TMEM108: variants seen among roughly 807,000 people sequenced by gnomAD.
TMEM108 encodes the protein cancer/testis antigen 124.
TMEM108 carries 12 observed loss-of-function variants against 35.1 expected under a neutral mutation model. The ratio of observed to expected loss-of-function variants is 0.34; its 90% CI spans 0.22 to 0.55. The LOEUF is 0.55. TMEM108 is among the 20% of genes least tolerant of loss of function. TMEM108 has a pLI of 0.89. For synonymous variants in TMEM108, 287 were observed against 308.6 expected, an observed-to-expected ratio of 0.93 and a Z score of 0.73; for missense variants, 680 against 753.3, an observed-to-expected ratio of 0.90 and a Z score of 1.14.
chr3:133,117,750 G>A lies in TMEM108; in HGVS notation c.-47+71730G>A, dbSNP rs562885484. 9.6e-4 allele frequency among the ~76,000 whole-genome samples: 146 copies of A among 152,218 alleles called. 2 individuals are homozygous for A. In the South Asian group the frequency reaches 0.028, roughly 29 times the overall value. On this transcript the variant is annotated intron_variant, in intron 2 of 5. Transcript: ENST00000321871. ...AATAAATGTTAAATGAAGATTTTTG[G>A]GGTTTGATTGGGTGCACCGGGTTTG...
intron 3 of TMEM108, among the ~76,000 whole-genome samples, chr3:133,233,877 T>C (rs1378028389): frequency 2.0e-5 from 3 of 151,788 alleles, no homozygotes; most frequent in Non-Finnish European, 2.9e-5. Context: ...GCCCACTTTT[T>C]GATGGGGTTG....
chr3:133,167,492 G>T (rs4373064), intron 2 of TMEM108, among the ~76,000 whole-genome samples: 2 of 152,198 alleles, frequency 1.3e-5, no homozygotes, highest in Non-Finnish European at 2.9e-5. Context: ...AGCCCACCGT[G>T]GGGGGACTTG....
intron 2 of TMEM108, among the ~76,000 whole-genome samples, chr3:133,087,316 T>C (rs545617522): frequency 6.6e-5 from 10 of 152,204 alleles, no homozygotes; most frequent in Non-Finnish European, 1.5e-4. Flanking sequence ...TCTCTTGTTC[T>C]GTCCTATTTA....
chr3:133,393,276 T>G lies in TMEM108; in HGVS notation c.1606-2588T>G, dbSNP rs145050147. On this transcript the variant is annotated intron_variant, in intron 5 of 5. Transcript: ENST00000321871. ...CTCTGTATTAATTAAATCTCCAACC[T>G]CATTCTGTTTCCTCTTCCTTACTTT... is the stretch of plus-strand genomic sequence containing the variant. Among the ~76,000 whole-genome samples the G allele has an allele frequency of 3.3e-4, 50 of 152,330 alleles. 1 individual carries two copies. In the East Asian group the frequency reaches 9.1e-3, roughly 28 times the overall value.
At chr3:133,213,525 T>TAAAACTGC (rs940298550) in intron 2 of TMEM108, among the ~76,000 whole-genome samples, 4 of 152,228 alleles carry the variant, frequency 2.6e-5, no homozygotes, top group Non-Finnish European at 5.9e-5. Context: ...TCATATTCTA[T>TAAAACTGC]AAAACTGCTA....
chr3:133,310,570 C>G (rs779632024), intron 3 of TMEM108, among the ~76,000 whole-genome samples: 2 of 71,264 alleles, frequency 2.8e-5, no homozygotes, highest in African/African-American at 1.2e-4. Context: ...GCTTTCCATT[C>G]TCTTGGTAGA....
In TMEM108 at chr3:133,305,070, C is replaced by A. The variant is rs572506965; in HGVS notation, c.41-74682C>A. ...TGCACCCCCAGCCCAGGCAACAGAG[C>A]GAGACTCTGATTCAAAGAAAGAAAA... On this transcript the variant is annotated intron_variant, in intron 3 of 5. Coordinates refer to ENST00000321871, the MANE Select transcript of TMEM108 (RefSeq NM_023943.4). Among the ~76,000 whole-genome samples the A allele has an allele frequency of 5.9e-5, 9 of 151,764 alleles. 1 individual carries two copies. The highest frequency in any genetic ancestry group is 3.4e-3 in the Middle Eastern group (1 of 294).
chr3:133,111,005 CT>C (rs1214449847), intron 2 of TMEM108, among the ~76,000 whole-genome samples: 7 of 152,158 alleles, frequency 4.6e-5, no homozygotes, highest in Non-Finnish European at 1.0e-4. Flanking sequence ...TTTCTCAATC[CT>C]TTCACTCTGT....
intron 2 of TMEM108, among the ~76,000 whole-genome samples, chr3:133,189,844 T>G (rs1263040790): frequency 1.3e-5 from 2 of 152,236 alleles, no homozygotes; most frequent in Non-Finnish European, 2.9e-5. Flanking sequence ...TTGTTTTACA[T>G]GCATGTGAGT....
intron 2 of TMEM108, among the ~76,000 whole-genome samples, chr3:133,162,583 C>G (rs1423516647): frequency 6.6e-6 from 1 of 152,214 alleles, no homozygotes; most frequent in Non-Finnish European, 1.5e-5. Flanking sequence ...GCCCTCTGTT[C>G]AGCTTTCTTA....
At chr3:133,205,282 T>G (rs1267826674) in intron 2 of TMEM108, among the ~76,000 whole-genome samples, 2 of 152,198 alleles carry the variant, frequency 1.3e-5, no homozygotes, top group Non-Finnish European at 2.9e-5. Context: ...GTCTTTTAAT[T>G]GGGGCATTTA....
intron 2 of TMEM108, among the ~76,000 whole-genome samples, chr3:133,144,890 C>G (rs916349076): frequency 6.6e-6 from 1 of 152,100 alleles, no homozygotes; most frequent in African/African-American, 2.4e-5. Flanking sequence ...GGATAGATTG[C>G]AAAAATTTTC....
At chr3:133,202,507 A>G (rs1234556788) in intron 2 of TMEM108, among the ~76,000 whole-genome samples, 3 of 152,206 alleles carry the variant, frequency 2.0e-5, no homozygotes, top group African/African-American at 7.2e-5. Context: ...AGTTTTCTGC[A>G]TATGGCTAGC....
At chr3:133,370,505 T>C (rs766034815) in intron 3 of TMEM108, among the ~76,000 whole-genome samples, 12 of 152,232 alleles carry the variant, frequency 7.9e-5, no homozygotes, top group Non-Finnish European at 1.8e-4. Context: ...TCTGGTTCTC[T>C]ACTGTAAAGC....
chr3:133,119,768 AAAC>A (rs1305335813), intron 2 of TMEM108, among the ~76,000 whole-genome samples: 4 of 152,208 alleles, frequency 2.6e-5, no homozygotes, highest in Non-Finnish European at 5.9e-5. Flanking sequence ...CCATTTTTAA[AAAC>A]TTGCCCATAA....
intron 3 of TMEM108, among the ~76,000 whole-genome samples, chr3:133,286,502 T>A (rs1359517354): frequency 6.6e-6 from 1 of 152,112 alleles, no homozygotes; most frequent in Non-Finnish European, 1.5e-5. Context: ...CTCAGCTAAT[T>A]AAAAATTTTT....
intron 2 of TMEM108, among the ~76,000 whole-genome samples, chr3:133,191,070 A>G (rs1945491127): frequency 6.6e-6 from 1 of 152,188 alleles, no homozygotes; most frequent in African/African-American, 2.4e-5. Flanking sequence ...AATGATTAAA[A>G]ACATTAAATC....
intron 2 of TMEM108, among the ~76,000 whole-genome samples, chr3:133,090,336 T>C (rs1466798996): frequency 6.6e-6 from 1 of 152,240 alleles, no homozygotes; most frequent in African/African-American, 2.4e-5. Context: ...GTCATTCTTA[T>C]TGCTTGATAA....
chr3:133,043,361 C>CA (rs1328492913), intron 1 of TMEM108, among the ~76,000 whole-genome samples: 11 of 152,110 alleles, frequency 7.2e-5, no homozygotes, highest in African/African-American at 2.2e-4. Context: ...AGCTAAAAGA[C>CA]ATTAGGGTGG....
Sources: gnomAD v4.1 joint callset for allele counts (sites outside exome capture counted in the v4.1 genomes callset) on GRCh38, gnomAD v4.1.1 for gene constraint, MANE v1.5 for transcripts, NCBI Gene and HGNC (gene_info 2026-07-23, HGNC 2026-07-21) for gene names.